The following DDX47 variants were observed in gnomAD, a reference collection of about 807,000 sequenced individuals.
The protein encoded by DDX47 is DEAD-box helicase 47.
In DDX47, 60 loss-of-function variants were observed where a neutral mutation model predicts 58.8. The observed-to-expected ratio is 1.02, with a 90% CI of 0.83 to 1.26. DDX47 has a LOEUF of 1.26. DDX47 is among the 50% of genes most tolerant of loss of function. The pLI, the probability that DDX47 is intolerant of heterozygous loss-of-function variation, is 0.00. For synonymous variants in DDX47, 197 were observed against 204.6 expected (o/e 0.96, Z 0.32); for missense variants, 530 against 573.2 (o/e 0.92, Z 0.77).
chr12:12,820,132 G>T (rs1862947567), intron 2 of DDX47: 1 of 152,216 alleles, frequency 6.6e-6, no homozygotes, highest in South Asian at 2.1e-4. Context: ...TACCTCATGG[G>T]CTACAGCCAG....
chr12:12,824,268 G>A, intron 8 of DDX47: 2 of 574,352 alleles, frequency 3.5e-6, no homozygotes, highest in Non-Finnish European at 5.9e-6. Flanking sequence ...CAGCCCTAGT[G>A]GTAATAATGA....
Position 12,826,035 on chromosome 12 carries a change from T to G in DDX47, c.1071T>G (p.Ala357=), listed in dbSNP as rs1863047180. The G allele has an allele frequency of 1.2e-6, 2 of 1,613,910 alleles. No homozygotes were observed. Among genetic ancestry groups the G allele is most frequent in the Non-Finnish European group, 1.7e-6 (2 of 1,179,884 alleles). Residue 357 remains alanine (A), a synonymous_variant, in exon 10 of 12, where the codon GCT becomes GCG. Transcript: ENST00000358007. ...YIHRVGRTAR[A]GRSGKAITFV... ...ATCGAGTAGGTCGAACAGCTAGAGCTGGGCGCTCCGGAAAGGCTATTACTT... is the reference window on the plus strand; with the variant it reads ...ATCGAGTAGGTCGAACAGCTAGAGCGGGGCGCTCCGGAAAGGCTATTACTT...
intron 2 of DDX47, among the ~76,000 whole-genome samples, chr12:12,815,542 G>A (rs1388644823): frequency 1.3e-5 from 2 of 152,166 alleles, no homozygotes; most frequent in African/African-American, 2.4e-5. Context: ...GATTAGAGAA[G>A]ATTTATTTCA....
intron 11 of DDX47, among the ~76,000 whole-genome samples, chr12:12,829,101 G>A (rs533817740): frequency 7.2e-5 from 11 of 152,202 alleles, no homozygotes; most frequent in Admixed American, 1.3e-4. Flanking sequence ...ATTGTCCCCC[G>A]CCCCAAGAAA....
At chr12:12,821,827 G>A (rs756460669) in intron 4 of DDX47, 101 bp downstream of exon 4, 67 of 1,252,018 alleles carry the variant, frequency 5.4e-5, no homozygotes, top group Middle Eastern at 2.0e-4. Flanking sequence ...TTGTAACCCT[G>A]TTAAATTTTT....
chr12:12,823,061 A>G (rs998686157), intron 6 of DDX47, 142 bp from the exon 7 acceptor site: 1 of 675,486 alleles, frequency 1.5e-6, no homozygotes, highest in Non-Finnish European at 2.6e-6. Context: ...TCTGTGATCC[A>G]ATAACCTCCC....
chr12:12,824,595 T>C lies in DDX47; in HGVS notation c.953T>C (p.Leu318Pro). ...KFKAKARSIL[L>P]ATDVASRGLD... ...AAGGCCAAGGCCCGTTCCATTCTTC[T>C]AGCAACTGACGTTGCCAGCCGAGGT... is the stretch of plus-strand genomic sequence containing the variant. The change falls in exon 9 of 12, where the codon CTA (leucine) becomes CCA (proline). Residue 318 changes from leucine to proline, a missense_variant. By Grantham distance (98) the Leu-to-Pro change is moderately conservative. Coordinates refer to ENST00000358007, the MANE Select transcript of DDX47 (RefSeq NM_016355.4). The C allele has an allele frequency of 3.1e-6, 5 of 1,614,182 alleles. No individual in the cohort carries two copies. The highest frequency in any genetic ancestry group is 4.2e-6 in the Non-Finnish European group (5 of 1,180,006).
intron 9 of DDX47, 99 bp downstream of exon 9, chr12:12,824,776 G>A (rs1565447974): frequency 3.8e-6 from 5 of 1,323,804 alleles, no homozygotes; most frequent in Admixed American, 4.4e-5. Flanking sequence ...TTTGTTCCTG[G>A]TTAATTAAGT....
intron 2 of DDX47, among the ~76,000 whole-genome samples, chr12:12,816,136 A>G (rs1202119615): frequency 6.6e-6 from 1 of 152,100 alleles, no homozygotes; most frequent in Admixed American, 6.5e-5. Flanking sequence ...GGAACGGGGG[A>G]AAAATGCAGG....
intron 7 of DDX47, 160 bp from the exon 8 acceptor site, chr12:12,823,710 C>T: frequency 2.9e-6 from 2 of 694,392 alleles, no homozygotes; most frequent in Non-Finnish European, 4.8e-6. Context: ...ATGTGGTTCA[C>T]AGAGATGATA....
intron 2 of DDX47, among the ~76,000 whole-genome samples, chr12:12,815,239 CATT>C (rs1339485792): frequency 6.6e-6 from 1 of 152,034 alleles, no homozygotes; most frequent in Non-Finnish European, 1.5e-5. Context: ...AATTATTACT[CATT>C]AGTAATTAAT....
At chr12:12,827,997 TC>T (rs1248185406) in intron 11 of DDX47, among the ~76,000 whole-genome samples, 8 of 147,330 alleles carry the variant, frequency 5.4e-5, no homozygotes, top group African/African-American at 2.0e-4. Flanking sequence ...TGCCTCAGCC[TC>T]CCGATTACAG....
intron 2 of DDX47, among the ~76,000 whole-genome samples, chr12:12,818,730 T>G (rs1322924079): frequency 6.6e-6 from 1 of 152,096 alleles, no homozygotes; most frequent in African/African-American, 2.4e-5. Context: ...CTTACAGTTC[T>G]GTGTGTGGCT....
intron 10 of DDX47, 99 bp from the exon 11 acceptor site, chr12:12,827,147 C>T: frequency 1.4e-6 from 2 of 1,397,226 alleles, no homozygotes; most frequent in East Asian, 4.6e-5. Flanking sequence ...TTGTTTAAAC[C>T]TATGGTTCCT....
intron 11 of DDX47, among the ~76,000 whole-genome samples, chr12:12,828,375 G>A (rs1336240809): frequency 6.6e-6 from 1 of 152,094 alleles, no homozygotes; most frequent in East Asian, 1.9e-4. Flanking sequence ...TGTGTTTAGA[G>A]TTGAGCCCCA....
At chr12:12,815,583 CAT>C (rs1292314975) in intron 2 of DDX47, among the ~76,000 whole-genome samples, 3 of 152,036 alleles carry the variant, frequency 2.0e-5, no homozygotes, top group African/African-American at 4.8e-5. Flanking sequence ...GTTGGGAAGA[CAT>C]GTGAGCTGAA....
Position 12,823,953 on chromosome 12 carries a change from A to C in DDX47, c.834A>C (p.Arg278Ser). The C allele has an allele frequency of 6.2e-7, 1 of 1,614,182 alleles. No individual in the cohort carries two copies. Among genetic ancestry groups the C allele is most frequent in the Non-Finnish European group, 8.5e-7 (1 of 1,180,018 alleles). Residue 278 changes from arginine (R) to serine (S), a missense_variant, in exon 8 of 12, where the codon AGA becomes AGC. By Grantham distance (110) the Arg-to-Ser change is moderately radical (BLOSUM62 -1). Transcript: ENST00000358007. ...IFCSTCNNTQ[R>S]TALLLRNLGF... is the part of the protein sequence containing the mutation. ...GCAGCACCTGTAATAATACCCAGAG[A>C]ACAGCTTTGCTACTGCGAAATCTTG...
At position 12,823,934 on chromosome 12, in the gene DDX47, C is replaced by A. The variant is rs774505295; in HGVS notation, c.815C>A (p.Thr272Asn). Residue 272 changes from threonine to asparagine, a missense_variant, in exon 8 of 12, where the codon ACC becomes AAC. Transcript: ENST00000358007. ...AGNSFMIFCS[T>N]CNNTQRTALL... ...AACTCCTTTATGATATTCTGCAGCACCTGTAATAATACCCAGAGAACAGCT... is the reference window on the plus strand; with the variant it reads ...AACTCCTTTATGATATTCTGCAGCAACTGTAATAATACCCAGAGAACAGCT... 1.2e-6 allele frequency: 2 copies of A among 1,614,134 alleles called. No homozygotes were observed. Among genetic ancestry groups the A allele is most frequent in the East Asian group, 2.2e-5 (1 of 44,882 alleles).
At position 12,824,446 on chromosome 12, in the gene DDX47, A is replaced by T. The variant is rs187363680; in HGVS notation, c.898-94A>T. The T allele has an allele frequency of 1.3e-3, 1,921 of 1,437,496 alleles. 16 individuals carry two copies. In the African/African-American group the frequency reaches 0.024, roughly 18 times the overall value. The allele number at this position is 1,437,496 out of a possible 1,614,324, so 89.0% of individuals were successfully genotyped here. ...ACTTAGGGGGAAAAACCTTTAAAAA[A>T]TTTATGTCTGTTTGTTCTCGTGTTT... On this transcript the variant is annotated intron_variant, in intron 8 of 11. Coordinates refer to ENST00000358007, the MANE Select transcript of DDX47 (RefSeq NM_016355.4).
Sources: gnomAD v4.1 joint callset for allele counts (sites outside exome capture counted in the v4.1 genomes callset) on GRCh38, gnomAD v4.1.1 for gene constraint, MANE v1.5 for transcripts, NCBI Gene and HGNC (gene_info 2026-07-23, HGNC 2026-07-21) for gene names.